DCC: variants seen among roughly 807,000 people sequenced by gnomAD.
The protein encoded by DCC is netrin receptor DCC.
A neutral mutation model predicts 172.5 loss-of-function variants in DCC; 58 were observed. The observed-to-expected ratio is 0.34, with a 90% CI of 0.27 to 0.42. DCC has a LOEUF of 0.42. DCC is among the 10% of genes least tolerant of loss of function. DCC has a pLI of 1.00. For synonymous variants in DCC, 709 were observed against 644.5 expected, an observed-to-expected ratio of 1.10 and a Z score of -1.52; for missense variants, 1,740 against 1,791.0, an observed-to-expected ratio of 0.97 and a Z score of 0.51.
intron 2 of DCC, among the ~76,000 whole-genome samples, chr18:52,767,570 C>A (rs183855792): frequency 6.6e-6 from 1 of 152,302 alleles, no homozygotes; most frequent in Admixed American, 6.5e-5. Context: ...AATTATCCCT[C>A]CTTTTACGCT....
At chr18:53,395,762 C>A (rs1005615958) in intron 17 of DCC, among the ~76,000 whole-genome samples, 3 of 152,184 alleles carry the variant, frequency 2.0e-5, no homozygotes, top group Admixed American at 6.5e-5. Flanking sequence ...CCTGTCTCAG[C>A]CTCCCAAGGA....
chr18:52,933,312 A>G (rs554724364), intron 5 of DCC, among the ~76,000 whole-genome samples: 9 of 152,164 alleles, frequency 5.9e-5, no homozygotes, highest in Admixed American at 2.6e-4. Context: ...GAAAAAGACA[A>G]GAAGCAGGCA....
At chr18:52,540,869 G>A (rs1345297074) in intron 1 of DCC, among the ~76,000 whole-genome samples, 1 of 152,094 alleles carries the variant, frequency 6.6e-6, no homozygotes, top group Admixed American at 6.5e-5. Context: ...GCCTCCCAAA[G>A]TGCTGGGATT....
intron 1 of DCC, among the ~76,000 whole-genome samples, chr18:52,630,370 G>T (rs1290523729): frequency 6.6e-6 from 1 of 152,104 alleles, no homozygotes; most frequent in East Asian, 1.9e-4. Flanking sequence ...TGAAGAAAAA[G>T]CTCAGTCTTT....
At chr18:52,823,411 T>G (rs1344914191) in intron 2 of DCC, among the ~76,000 whole-genome samples, 1 of 152,234 alleles carries the variant, frequency 6.6e-6, no homozygotes, top group Non-Finnish European at 1.5e-5. Flanking sequence ...ATATTAGAAA[T>G]ACATTTTTAA....
chr18:53,116,454 G>A (rs1384163076), intron 7 of DCC, among the ~76,000 whole-genome samples: 1 of 151,792 alleles, frequency 6.6e-6, no homozygotes, highest in East Asian at 2.0e-4. Flanking sequence ...CTTATGTTCC[G>A]TGTCTCCAGA....
chr18:53,038,133 G>A (rs1373965202), intron 5 of DCC, among the ~76,000 whole-genome samples: 2 of 151,882 alleles, frequency 1.3e-5, no homozygotes, highest in South Asian at 2.1e-4. Flanking sequence ...CAAATACTGA[G>A]TAACTATTTA....
At chr18:52,634,557 C>T (rs577237722) in intron 1 of DCC, among the ~76,000 whole-genome samples, 3 of 152,214 alleles carry the variant, frequency 2.0e-5, no homozygotes, top group East Asian at 3.9e-4. Context: ...TATAAAAGTA[C>T]ACAGCAAGTG....
chr18:52,467,065 T>C (rs1988807865), intron 1 of DCC, among the ~76,000 whole-genome samples: 1 of 151,732 alleles, frequency 6.6e-6, no homozygotes, highest in Non-Finnish European at 1.5e-5. Context: ...TATATATATA[T>C]ATTTTAAGTT....
intron 1 of DCC, among the ~76,000 whole-genome samples, chr18:52,736,087 A>G (rs1199620797): frequency 6.6e-6 from 1 of 152,150 alleles, no homozygotes; most frequent in Non-Finnish European, 1.5e-5. Flanking sequence ...AAGGTGATCT[A>G]GAATTAATCC....
chr18:53,439,611 T>C (rs574068060), intron 22 of DCC, among the ~76,000 whole-genome samples: 11 of 152,298 alleles, frequency 7.2e-5, no homozygotes, highest in African/African-American at 2.6e-4. Context: ...AAAAATGTAC[T>C]CTTGGAATTC....
chr18:52,990,046 G>A (rs1308621361), intron 5 of DCC, among the ~76,000 whole-genome samples: 2 of 152,134 alleles, frequency 1.3e-5, no homozygotes, highest in African/African-American at 4.8e-5. Context: ...TGTCTTCTGG[G>A]TAAGAAGGAA....
intron 2 of DCC, among the ~76,000 whole-genome samples, chr18:52,754,996 T>C (rs1316752224): frequency 6.6e-6 from 1 of 152,182 alleles, no homozygotes; most frequent in East Asian, 1.9e-4. Flanking sequence ...TGAAATTTGA[T>C]TGATGAGTAT....
intron 5 of DCC, among the ~76,000 whole-genome samples, chr18:52,990,053 GGAAA>G (rs1387930024): frequency 1.3e-5 from 2 of 152,128 alleles, no homozygotes; most frequent in African/African-American, 4.8e-5. Flanking sequence ...TGGGTAAGAA[GGAAA>G]GACACTATAT....
chr18:52,857,422 AG>A (rs1260144367), intron 2 of DCC, among the ~76,000 whole-genome samples: 2 of 152,218 alleles, frequency 1.3e-5, no homozygotes, highest in Non-Finnish European at 2.9e-5. Flanking sequence ...TTAGTGCAGT[AG>A]AAAATATGAT....
At chr18:52,796,335 C>A in intron 2 of DCC, among the ~76,000 whole-genome samples, 1 of 151,988 alleles carries the variant, frequency 6.6e-6, no homozygotes. Context: ...GGTTTATCAT[C>A]ATGGTTTGGT....
intron 1 of DCC, among the ~76,000 whole-genome samples, chr18:52,565,659 A>G (rs2033144813): frequency 6.6e-6 from 1 of 152,132 alleles, no homozygotes; most frequent in Non-Finnish European, 1.5e-5. Context: ...GTGTCTCTTC[A>G]TATCCTTTGA....
intron 1 of DCC, among the ~76,000 whole-genome samples, chr18:52,518,325 G>C (rs970552374): frequency 6.6e-6 from 1 of 152,142 alleles, no homozygotes; most frequent in Non-Finnish European, 1.5e-5. Flanking sequence ...GAGTTCCCAA[G>C]GAAAGGTGGA....
At chr18:53,063,058 A>G (rs2042518031) in intron 5 of DCC, among the ~76,000 whole-genome samples, 1 of 151,672 alleles carries the variant, frequency 6.6e-6, no homozygotes, top group Non-Finnish European at 1.5e-5. Flanking sequence ...TTTTTTTTCC[A>G]AAAAGTGTTT....
Sources: gnomAD v4.1 joint callset for allele counts (sites outside exome capture counted in the v4.1 genomes callset) on GRCh38, gnomAD v4.1.1 for gene constraint, MANE v1.5 for transcripts, NCBI Gene and HGNC (gene_info 2026-07-23, HGNC 2026-07-21) for gene names.